The following DLG2 variants were observed in gnomAD, a reference collection of about 807,000 sequenced individuals.
DLG2 encodes discs large MAGUK scaffold protein 2.
Under a neutral mutation model 132.5 loss-of-function variants are expected in DLG2, and 45 were observed. That is an observed-to-expected ratio of 0.34 (90% confidence interval 0.27 to 0.44). The LOEUF is 0.44. DLG2 is among the 20% of genes least tolerant of loss of function. The pLI, the probability that DLG2 is intolerant of heterozygous loss-of-function variation, is 1.00. For synonymous variants in DLG2, 424 were observed against 419.6 expected, an observed-to-expected ratio of 1.01 and a Z score of -0.13; for missense variants, 1,045 against 1,196.9, an observed-to-expected ratio of 0.87 and a Z score of 1.87.
chr11:84,466,824 G>A (rs1230740149), intron 7 of DLG2, among the ~76,000 whole-genome samples: 2 of 151,152 alleles, frequency 1.3e-5, no homozygotes, highest in African/African-American at 4.8e-5. Context: ...TATCCACAAT[G>A]TTATTTGTGA....
At chr11:85,551,026 T>C (rs1210907296) in intron 3 of DLG2, among the ~76,000 whole-genome samples, 1 of 152,228 alleles carries the variant, frequency 6.6e-6, no homozygotes. Context: ...TTCAGTAGCT[T>C]CTTGTTAATT....
intron 4 of DLG2, among the ~76,000 whole-genome samples, chr11:85,209,157 A>G (rs751513867): frequency 1.3e-5 from 2 of 152,084 alleles, no homozygotes; most frequent in African/African-American, 2.4e-5. Context: ...TTTCTCATCA[A>G]TAAAAATAAA....
At chr11:84,360,720 A>G (rs960556652) in intron 7 of DLG2, among the ~76,000 whole-genome samples, 1 of 151,934 alleles carries the variant, frequency 6.6e-6, no homozygotes, top group Non-Finnish European at 1.5e-5. Flanking sequence ...ATGAACAGAC[A>G]GAGAGTCAGA....
intron 18 of DLG2, among the ~76,000 whole-genome samples, chr11:83,680,557 T>C (rs1316063760): frequency 3.3e-5 from 5 of 152,130 alleles, no homozygotes; most frequent in Non-Finnish European, 7.4e-5. Flanking sequence ...ACAGACCCCT[T>C]GTGGGGCAGC....
chr11:83,895,925 T>G (rs1227847639), intron 15 of DLG2, among the ~76,000 whole-genome samples: 1 of 152,226 alleles, frequency 6.6e-6, no homozygotes, highest in Non-Finnish European at 1.5e-5. Context: ...TCCCATCTAT[T>G]GAACTGAACA....
chr11:85,533,843 T>C (rs1426114660), intron 3 of DLG2, among the ~76,000 whole-genome samples: 1 of 152,218 alleles, frequency 6.6e-6, no homozygotes, highest in Non-Finnish European at 1.5e-5. Context: ...TCCACAAGTT[T>C]ATACAGCTTT....
chr11:85,365,941 G>A (rs575416497), intron 3 of DLG2, among the ~76,000 whole-genome samples: 18 of 152,274 alleles, frequency 1.2e-4, no homozygotes, highest in African/African-American at 4.3e-4. Context: ...CAGGAGGTGG[G>A]GGGCTAGGGG....
intron 14 of DLG2, among the ~76,000 whole-genome samples, chr11:83,957,571 T>TAA (rs35511012): frequency 0.15 from 20,178 of 131,790 alleles, 1,688 homozygotes; most frequent in African/African-American, 0.23. Context: ...TTTTTTTTTT[T>TAA]AAAAACATAA....
chr11:85,485,386 A>T (rs954628517), intron 3 of DLG2, among the ~76,000 whole-genome samples: 3 of 152,224 alleles, frequency 2.0e-5, no homozygotes, highest in African/African-American at 7.2e-5. Context: ...GAAAAAAAAA[A>T]GATGCAAATT....
chr11:85,216,885 G>A (rs895973077), intron 4 of DLG2, among the ~76,000 whole-genome samples: 6 of 151,986 alleles, frequency 3.9e-5, no homozygotes, highest in East Asian at 1.9e-4. Context: ...TATTAGAGAC[G>A]GGGTTTCACT....
At chr11:84,529,987 T>C (rs1329419561) in intron 7 of DLG2, among the ~76,000 whole-genome samples, 3 of 152,074 alleles carry the variant, frequency 2.0e-5, no homozygotes, top group African/African-American at 4.8e-5. Flanking sequence ...GCAATAATGC[T>C]GCACACCGAC....
At position 83,983,232 on chromosome 11, in the gene DLG2, C is replaced by T. The variant is rs546850146; in HGVS notation, c.920-2590G>A. 2.6e-5 allele frequency among the ~76,000 whole-genome samples: 4 copies of T among 152,180 alleles called. No individual in the cohort carries two copies. The South Asian group carries it at 6.2e-4, about 24-fold the overall frequency. On this transcript the variant is annotated intron_variant, in intron 11 of 27. Coordinates refer to ENST00000376104, the MANE Select transcript of DLG2 (RefSeq NM_001142699.3). ...CATTCAGTACAATACTTGCAGCATA[C>T]ATTTTCATTGCATTTTACAATCATA...
chr11:85,246,168 G>A (rs1393562899), intron 4 of DLG2, among the ~76,000 whole-genome samples: 1 of 151,824 alleles, frequency 6.6e-6, no homozygotes. Context: ...TTTTGCTCAT[G>A]GTTGTATTTC....
chr11:84,280,326 A>T (rs1257597384), intron 7 of DLG2, among the ~76,000 whole-genome samples: 1 of 149,632 alleles, frequency 6.7e-6, no homozygotes, highest in Admixed American at 6.7e-5. Flanking sequence ...TTTGAGACGG[A>T]GTCACGCTCT....
intron 14 of DLG2, among the ~76,000 whole-genome samples, chr11:83,943,573 T>A (rs2083139990): frequency 6.6e-6 from 1 of 152,246 alleles, no homozygotes. Context: ...AATTTGTCAA[T>A]CTCAAATGTC....
chr11:85,273,326 A>C (rs1428596915), intron 4 of DLG2, among the ~76,000 whole-genome samples: 1 of 152,184 alleles, frequency 6.6e-6, no homozygotes, highest in African/African-American at 2.4e-5. Flanking sequence ...CAACCTACAG[A>C]ATGGGAAGAA....
In DLG2 at chr11:83,986,295, T is replaced by C. The variant is rs1426272833; in HGVS notation, c.920-5653A>G. ...TCATTGTTCAATTCCCACCTATGAG[T>C]GAGAATATGCGGCATTTGGTTTTTT... is the stretch of plus-strand genomic sequence containing the variant. On this transcript the variant is annotated intron_variant, in intron 11 of 27. Transcript: ENST00000376104. 4.6e-5 allele frequency among the ~76,000 whole-genome samples: 7 copies of C among 151,388 alleles called. No homozygotes were observed. The South Asian group carries it at 6.3e-4, about 14-fold the overall frequency.
intron 6 of DLG2, among the ~76,000 whole-genome samples, chr11:84,637,331 ATC>A (rs1263832061): frequency 6.6e-6 from 1 of 152,226 alleles, no homozygotes. Context: ...CACGATGTGT[ATC>A]TCTATCACAG....
intron 6 of DLG2, among the ~76,000 whole-genome samples, chr11:85,087,561 G>C (rs61907795): frequency 6.6e-6 from 1 of 152,160 alleles, no homozygotes; most frequent in African/African-American, 2.4e-5. Context: ...ATCATGGGCC[G>C]GGCGCGGTGG....
Sources: allele counts gnomAD v4.1 joint callset (sites outside exome capture counted in the v4.1 genomes callset), GRCh38; gene constraint gnomAD v4.1.1; transcripts MANE v1.5; gene names NCBI Gene and HGNC (gene_info 2026-07-23, HGNC 2026-07-21).